DMD: variants seen among roughly 807,000 people sequenced by gnomAD.
The protein encoded by DMD is dystrophin.
DMD carries 63 observed loss-of-function variants against 330.1 expected under a neutral mutation model. That is an observed-to-expected ratio of 0.19 (90% CI 0.16 to 0.24). The LOEUF (loss-of-function observed/expected upper bound fraction) is 0.24, where lower values mean the gene tolerates loss of function less well. DMD is among the 10% of genes least tolerant of loss of function. The pLI, the probability that DMD is intolerant of heterozygous loss-of-function variation, is 1.00. For missense variants in DMD, 3,344 were observed against 2,684.1 expected, an observed-to-expected ratio of 1.25 and a Z score of -5.43; for synonymous variants, 1,223 against 959.8, an observed-to-expected ratio of 1.27 and a Z score of -5.07.
intron 52 of DMD, among the ~76,000 whole-genome samples, chrX:31,703,445 C>T (rs1338562861): frequency 8.9e-6 from 1 of 111,841 alleles, no homozygotes. Flanking sequence ...TTTCAGTTTG[C>T]AGCACTCTGC....
rs186366749 is a variant in DMD, at chrX:32,593,203, G to T, written c.1602+2554C>A. Among the ~76,000 whole-genome samples, 14 of 112,355 alleles carry T rather than the reference G, an allele frequency of 1.2e-4. No individual in the cohort carries two copies. In the East Asian group the frequency reaches 3.7e-3, roughly 29 times the overall value. ...TCTGGCTGGCAAAGTGACACCCAAG[G>T]ATCCCATGACACTTACATGCACACT... On this transcript the variant is annotated intron_variant, in intron 13 of 78. Transcript: ENST00000357033.
At chrX:32,567,682 C>A (rs2051894939) in intron 15 of DMD, among the ~76,000 whole-genome samples, 1 of 112,682 alleles carries the variant, frequency 8.9e-6, no homozygotes, top group Non-Finnish European at 1.9e-5. Context: ...CAGGCATGAG[C>A]CACCATACCC....
intron 60 of DMD, among the ~76,000 whole-genome samples, chrX:31,368,983 C>G (rs541968944): frequency 9.0e-6 from 1 of 111,612 alleles, no homozygotes; most frequent in South Asian, 3.8e-4. Context: ...GGTAACCCCT[C>G]ACTACAAAGC....
rs1233207345 is a variant in DMD at position 32,955,771 on chromosome X, C to A, written c.93+64368G>T. 2.7e-5 allele frequency among the ~76,000 whole-genome samples: 3 copies of A among 111,737 alleles called. No homozygotes were observed. In the Admixed American group the frequency reaches 2.8e-4, roughly 11 times the overall value. On this transcript the variant is annotated intron_variant, in intron 2 of 78. Coordinates refer to ENST00000357033, the MANE Select transcript of DMD (RefSeq NM_004006.3). ...TTCTGCATGTGGCTAGCCAGTTATC[C>A]CAGCACCACTTATTGAATAGGTAGT...
At chrX:31,214,043 G>T (rs2045051647) in intron 64 of DMD, among the ~76,000 whole-genome samples, 1 of 8,368 alleles carries the variant, frequency 1.2e-4, no homozygotes, top group Non-Finnish European at 4.0e-4. Flanking sequence ...TGATGGCAAG[G>T]CTGCTAAAAA....
chrX:31,182,866 T>C lies in DMD; in HGVS notation c.9846A>G (p.Leu3282=). The C allele has an allele frequency of 8.3e-7, 1 of 1,208,891 alleles. No individual in the cohort carries two copies. Among genetic ancestry groups the C allele is most frequent in the African/African-American group, 1.8e-5 (1 of 56,904 alleles). ...NKPEIEAALF[L]DWMRLEPQSM... is the part of the protein sequence containing the mutation. ...ACTGGGGTTCCAGTCTCATCCAGTC[T>C]AGGAAGAGGGCCGCTTCGATCTCTG... The change falls in exon 68 of 79, where the codon CTA becomes CTG. Residue 3282 remains leucine, a synonymous_variant. Transcript: ENST00000357033.
chrX:33,196,361 A>G (rs191583451), intron 1 of DMD, among the ~76,000 whole-genome samples: 1 of 111,612 alleles, frequency 9.0e-6, no homozygotes, highest in East Asian at 2.8e-4. Flanking sequence ...CTTGTACGTT[A>G]GGACCTTGGA....
intron 49 of DMD, among the ~76,000 whole-genome samples, chrX:31,833,359 A>AAGAGAGAG (rs61677647): frequency 0.063 from 3,177 of 50,373 alleles, 276 homozygotes; most frequent in East Asian, 0.12. Flanking sequence ...GAGGGAGGGA[A>AAGAGAGAG]AGAGAGAGAG....
chrX:32,925,081 G>A (rs1027128874), intron 2 of DMD, among the ~76,000 whole-genome samples: 1 of 105,552 alleles, frequency 9.5e-6, no homozygotes, highest in Non-Finnish European at 1.9e-5. Context: ...GGGATTCCAG[G>A]AATATGATTT....
chrX:31,939,429 G>A (rs946446807), intron 45 of DMD, among the ~76,000 whole-genome samples: 1 of 111,907 alleles, frequency 8.9e-6, no homozygotes, highest in Non-Finnish European at 1.9e-5. Context: ...TGTGGAAAAC[G>A]ATGAGGGAAA....
chrX:32,027,183 C>CACACACAG (rs774715155), intron 44 of DMD, among the ~76,000 whole-genome samples: 2,030 of 97,464 alleles, frequency 0.021, 42 homozygotes, highest in African/African-American at 0.053. Flanking sequence ...CACACACACA[C>CACACACAG]AGAGAGAGAG....
At chrX:31,414,264 C>G (rs920648760) in intron 60 of DMD, among the ~76,000 whole-genome samples, 1 of 111,328 alleles carries the variant, frequency 9.0e-6, no homozygotes, top group Admixed American at 9.6e-5. Context: ...ATCTACCCAC[C>G]TCGGCCTCCC....
intron 47 of DMD, among the ~76,000 whole-genome samples, chrX:31,891,159 T>C (rs775622596): frequency 8.1e-5 from 9 of 111,666 alleles, no homozygotes; most frequent in Non-Finnish European, 1.7e-4. Flanking sequence ...AGAAAGGTTT[T>C]GAACACAACA....
At chrX:32,728,198 G>A (rs1413406195) in intron 7 of DMD, among the ~76,000 whole-genome samples, 1 of 111,225 alleles carries the variant, frequency 9.0e-6, no homozygotes, top group African/African-American at 3.3e-5. Context: ...ATTCAAAAAT[G>A]TGATTTTCAT....
At chrX:33,026,313 CAAAAAAAAAAAAAAAAAA>C (rs56794668) in intron 1 of DMD, among the ~76,000 whole-genome samples, 9 of 32,781 alleles carry the variant, frequency 2.7e-4, no homozygotes, top group East Asian at 1.6e-3. Context: ...GACTCCGTCT[CAAAAAAAAAAAAAAAAAA>C]AAAAAAAAAA....
intron 37 of DMD, among the ~76,000 whole-genome samples, chrX:32,356,380 A>T (rs999553024): frequency 1.0e-3 from 12 of 11,776 alleles, no homozygotes; most frequent in African/African-American, 2.9e-3. Flanking sequence ...GAATGGAAGT[A>T]AAAAAAAAAA....
chrX:32,779,838 T>C lies in DMD; in HGVS notation c.649+29655A>G, dbSNP rs2074540716. On this transcript the variant is annotated intron_variant, in intron 7 of 78. Coordinates refer to ENST00000357033, the MANE Select transcript of DMD (RefSeq NM_004006.3). ...ACATATGTAACAAACCTGCACGTTA[T>C]GCACATGTACCCTAAAAGTATAATA... Among the ~76,000 whole-genome samples the C allele has an allele frequency of 2.7e-5, 3 of 110,014 alleles. No individual in the cohort carries two copies. In the South Asian group the frequency reaches 1.2e-3, roughly 43 times the overall value.
At chrX:32,456,612 G>GTA (rs1445802696) in intron 25 of DMD, among the ~76,000 whole-genome samples, 25 of 100,015 alleles carry the variant, frequency 2.5e-4, no homozygotes, top group Non-Finnish European at 1.2e-4. Context: ...GTGTGTGTGT[G>GTA]TGTGTATGTG....
In DMD at chrX:32,710,576, A is replaced by G. The variant is rs753202317; in HGVS notation, c.650-11283T>C. Among the ~76,000 whole-genome samples the G allele has an allele frequency of 2.7e-5, 3 of 111,553 alleles. No homozygotes were observed. The Admixed American group carries it at 2.9e-4, about 11-fold the overall frequency. On this transcript the variant is annotated intron_variant, in intron 7 of 78. Transcript: ENST00000357033. Reference sequence around the variant, plus strand: ...AAAATACTCAAGACACAGGAAAACTAATGTTTTATTCATTGTTCTAAACTT... The same window carrying G: ...AAAATACTCAAGACACAGGAAAACTGATGTTTTATTCATTGTTCTAAACTT...
Sources: gnomAD v4.1 joint callset for allele counts (sites outside exome capture counted in the v4.1 genomes callset) on GRCh38, gnomAD v4.1.1 for gene constraint, MANE v1.5 for transcripts, NCBI Gene and HGNC (gene_info 2026-07-23, HGNC 2026-07-21) for gene names.